ACER3: variants seen among roughly 807,000 people sequenced by gnomAD.
The protein encoded by ACER3 is alkCDase 3.
In ACER3, 16 loss-of-function variants were observed where a neutral mutation model predicts 48.9. That is an observed-to-expected ratio of 0.33 (90% CI 0.22 to 0.50). ACER3 has a LOEUF of 0.50. Ranked by LOEUF, ACER3 falls within the 20% of genes least tolerant of loss-of-function variation. ACER3 has a pLI of 0.98. For synonymous variants in ACER3, 109 were observed against 107.8 expected (o/e 1.01, Z -0.07); for missense variants, 227 against 326.0 (o/e 0.70, Z 2.34).
At chr11:76,907,792 A>G (rs1346740416) in intron 1 of ACER3, among the ~76,000 whole-genome samples, 1 of 152,086 alleles carries the variant, frequency 6.6e-6, no homozygotes, top group Non-Finnish European at 1.5e-5. Context: ...AGTCACTTGA[A>G]CCCAGGAGGG....
intron 1 of ACER3, among the ~76,000 whole-genome samples, chr11:76,879,145 A>G (rs188594316): frequency 2.4e-3 from 370 of 152,092 alleles, no homozygotes; most frequent in Middle Eastern, 6.8e-3. Flanking sequence ...TTTTGATGAG[A>G]AGTAGTACAT....
chr11:76,880,400 A>G (rs905741527), intron 1 of ACER3, among the ~76,000 whole-genome samples: 3 of 152,178 alleles, frequency 2.0e-5, no homozygotes, highest in African/African-American at 7.2e-5. Flanking sequence ...CAGACAAGCA[A>G]TCAGTTTTGC....
chr11:76,953,474 T>A (rs1026742923), intron 2 of ACER3, among the ~76,000 whole-genome samples: 1 of 152,096 alleles, frequency 6.6e-6, no homozygotes, highest in Non-Finnish European at 1.5e-5. Flanking sequence ...GGTGGGTGCC[T>A]GTAATCCCAG....
At chr11:76,922,765 G>A (rs756244455) in intron 1 of ACER3, among the ~76,000 whole-genome samples, 13 of 152,166 alleles carry the variant, frequency 8.5e-5, no homozygotes, top group Non-Finnish European at 1.6e-4. Context: ...ACTGTAAATT[G>A]TATAATTTCT....
intron 3 of ACER3, among the ~76,000 whole-genome samples, chr11:76,974,083 C>T (rs554579828): frequency 1.8e-4 from 27 of 152,206 alleles, no homozygotes; most frequent in Non-Finnish European, 3.1e-4. Flanking sequence ...ACTTATATAT[C>T]TATTCTTATG....
chr11:76,983,708 C>A (rs1254735886), intron 4 of ACER3, among the ~76,000 whole-genome samples: 1 of 152,088 alleles, frequency 6.6e-6, no homozygotes, highest in Non-Finnish European at 1.5e-5. Context: ...TTTATCTTAT[C>A]ACTTTGATAA....
At chr11:76,917,171 GC>G (rs1315201967) in intron 1 of ACER3, among the ~76,000 whole-genome samples, 1 of 152,026 alleles carries the variant, frequency 6.6e-6, no homozygotes, top group African/African-American at 2.4e-5. Context: ...AAGACAAAAG[GC>G]CCCGACTTCT....
At chr11:76,955,651 G>T (rs1947820653) in intron 2 of ACER3, 1 of 152,200 alleles carries the variant, frequency 6.6e-6, no homozygotes, top group Non-Finnish European at 1.5e-5. Context: ...CCATCCTGGG[G>T]ATGCCACGCC....
At chr11:76,952,989 A>G (rs1947726140) in intron 2 of ACER3, among the ~76,000 whole-genome samples, 1 of 152,100 alleles carries the variant, frequency 6.6e-6, no homozygotes, top group Non-Finnish European at 1.5e-5. Context: ...AGATTCCAAT[A>G]AACAGAGAGA....
At chr11:76,949,136 G>T (rs57908416) in intron 2 of ACER3, among the ~76,000 whole-genome samples, 2,789 of 152,210 alleles carry the variant, frequency 0.018, 80 homozygotes, top group African/African-American at 0.063. Flanking sequence ...CTGGTAGTTT[G>T]CCAAGATATC....
intron 3 of ACER3, among the ~76,000 whole-genome samples, chr11:76,974,474 T>C (rs1409092383): frequency 6.6e-6 from 1 of 152,170 alleles, no homozygotes; most frequent in African/African-American, 2.4e-5. Context: ...CTTTAGTGTG[T>C]ACCATTAACT....
chr11:76,929,817 G>T (rs1489354182), intron 2 of ACER3, among the ~76,000 whole-genome samples: 3 of 152,212 alleles, frequency 2.0e-5, no homozygotes, highest in Admixed American at 6.5e-5. Flanking sequence ...CAGGGATGAA[G>T]CCCACTTGAT....
At chr11:76,907,576 A>T (rs1340522338) in intron 1 of ACER3, among the ~76,000 whole-genome samples, 3 of 152,236 alleles carry the variant, frequency 2.0e-5, no homozygotes, top group African/African-American at 4.8e-5. Flanking sequence ...AATTGGATAA[A>T]ATAAGCCAAT....
At chr11:76,958,566 C>G (rs367877256) in intron 2 of ACER3, among the ~76,000 whole-genome samples, 3 of 152,188 alleles carry the variant, frequency 2.0e-5, no homozygotes, top group South Asian at 4.1e-4. Flanking sequence ...GCAGTCATAG[C>G]TCTGATAACC....
chr11:76,965,433 A>G (rs1353286856), intron 3 of ACER3, among the ~76,000 whole-genome samples: 2 of 151,350 alleles, frequency 1.3e-5, no homozygotes, highest in African/African-American at 2.5e-5. Context: ...GCAGGCCAAC[A>G]TTCAAATTCA....
intron 1 of ACER3, among the ~76,000 whole-genome samples, chr11:76,907,776 C>T (rs1946271235): frequency 6.6e-6 from 1 of 152,078 alleles, no homozygotes; most frequent in Non-Finnish European, 1.5e-5. Context: ...TAGGCTGAGG[C>T]AGGAGAGTCA....
chr11:76,882,077 T>C (rs1345383903), intron 1 of ACER3, among the ~76,000 whole-genome samples: 1 of 149,616 alleles, frequency 6.7e-6, no homozygotes. Flanking sequence ...CGATCTTGGC[T>C]CACTGCAAGC....
At chr11:76,920,053 G>A (rs2134776973) in intron 1 of ACER3, among the ~76,000 whole-genome samples, 1 of 152,320 alleles carries the variant, frequency 6.6e-6, no homozygotes, top group South Asian at 2.1e-4. Flanking sequence ...GCGCCAGAGA[G>A]ACATTGCAAG....
chr11:77,013,709 C>T (rs1949311948), intron 7 of ACER3, among the ~76,000 whole-genome samples: 1 of 152,056 alleles, frequency 6.6e-6, no homozygotes, highest in Non-Finnish European at 1.5e-5. Context: ...CCATACAATA[C>T]AGCCATTCTT....
Sources: allele counts gnomAD v4.1 joint callset (sites outside exome capture counted in the v4.1 genomes callset), GRCh38; gene constraint gnomAD v4.1.1; transcripts MANE v1.5; gene names NCBI Gene and HGNC (gene_info 2026-07-23, HGNC 2026-07-21).